The following NMUR2 variants were observed in gnomAD, a reference collection of about 807,000 sequenced individuals.
The protein encoded by NMUR2 is neuromedin U receptor 2, also known as neuromedin-U receptor 2.
NMUR2 carries 24 observed loss-of-function variants against 25.1 expected under a neutral mutation model. The observed-to-expected ratio is 0.96, with a 90% CI of 0.69 to 1.34. The LOEUF (loss-of-function observed/expected upper bound fraction) is 1.34. Ranked by LOEUF, NMUR2 falls within the 40% of genes most tolerant of loss-of-function variation. The pLI, the probability that NMUR2 is intolerant of heterozygous loss-of-function variation, is 0.00. For synonymous variants in NMUR2, 218 were observed against 208.1 expected (o/e 1.05, Z -0.41); for missense variants, 533 against 512.8 (o/e 1.04, Z -0.38).
intron 1 of NMUR2, 31 bp downstream of exon 1, chr5:152,404,356 CT>C (rs1561699447): frequency 6.5e-7 from 1 of 1,550,114 alleles, no homozygotes; most frequent in Admixed American, 2.0e-5. Flanking sequence ...AGAAGGGATG[CT>C]GCCTCAGGCC....
chr5:152,392,567 G>A (rs1338593265), intron 3 of NMUR2, 66 bp from the exon 4 acceptor site: 3 of 1,296,876 alleles, frequency 2.3e-6, no homozygotes, highest in Non-Finnish European at 2.2e-6. Context: ...GAAGGAAGAA[G>A]CATAAATATT....
intron 3 of NMUR2, among the ~76,000 whole-genome samples, chr5:152,394,047 G>C (rs1373552423): frequency 6.6e-6 from 1 of 152,016 alleles, no homozygotes; most frequent in Non-Finnish European, 1.5e-5. Flanking sequence ...ATATAAAAGG[G>C]GGGAGATGGT....
intron 1 of NMUR2, 114 bp from the exon 2 acceptor site, chr5:152,398,258 T>C (rs1214964437): frequency 2.9e-6 from 2 of 696,110 alleles, no homozygotes; most frequent in Non-Finnish European, 4.9e-6. Flanking sequence ...AACTGAGACC[T>C]AGAGAAATGT....
chr5:152,396,217 C>G (rs1018633536), intron 2 of NMUR2, among the ~76,000 whole-genome samples: 2 of 111,804 alleles, frequency 1.8e-5, no homozygotes, highest in African/African-American at 2.6e-5. Context: ...CACACACACA[C>G]ACACACACTT....
chr5:152,393,115 T>C (rs1292691239), intron 3 of NMUR2, among the ~76,000 whole-genome samples: 11 of 152,218 alleles, frequency 7.2e-5, no homozygotes, highest in Admixed American at 7.2e-4. Flanking sequence ...ACTCTTCCTT[T>C]ATTGCCTTTT....
chr5:152,392,389 G>C lies in NMUR2; in HGVS notation c.1050C>G (p.His350Gln). The C allele has an allele frequency of 1.2e-6, 2 of 1,614,064 alleles. No homozygotes were observed. The highest frequency in any genetic ancestry group is 1.7e-6 in the Non-Finnish European group (2 of 1,179,938). ...GTGGCAACTGTGGGTCATGCTGGGA[G>C]TGCCACTGTTTGTGGAAAGAAGAGA... is the stretch of plus-strand genomic sequence containing the variant. ...NVISSFHKQWHSQHDPQLPPA... is the reference protein window; with the variant it reads ...NVISSFHKQWQSQHDPQLPPA... The change falls in exon 4 of 4, where the codon CAC (histidine) becomes CAG (glutamine). Residue 350 changes from histidine to glutamine, a missense_variant. Physicochemically the swap from His to Gln is conservative, Grantham distance 24. Coordinates refer to ENST00000255262, the MANE Select transcript of NMUR2 (RefSeq NM_020167.5).
At chr5:152,397,493 T>C (rs924766277) in intron 2 of NMUR2, among the ~76,000 whole-genome samples, 2 of 152,200 alleles carry the variant, frequency 1.3e-5, no homozygotes, top group African/African-American at 4.8e-5. Flanking sequence ...CAGATGTTCT[T>C]AACCTGGAAC....
rs745877198 is a variant in NMUR2 at position 152,404,664 on chromosome 5, G to A, written c.450C>T (p.His150=). ...TGCTCTGCAGTTTGGCGCGGAACGGGTGTAGGATGGCCACGTAGCGCTCCA... is the reference window on the plus strand; with the variant it reads ...TGCTCTGCAGTTTGGCGCGGAACGGATGTAGGATGGCCACGTAGCGCTCCA... The part of the protein sequence containing the change: ...VSVERYVAIL[H]PFRAKLQSTR... The change falls in exon 1 of 4, where the codon CAC becomes CAT. Residue 150 remains histidine, a synonymous_variant. Transcript: ENST00000255262. 1 of 1,614,154 alleles carries A rather than the reference G, an allele frequency of 6.2e-7. No homozygotes were observed. The highest frequency in any genetic ancestry group is 1.7e-5 in the Admixed American group (1 of 60,028).
At position 152,405,220 on chromosome 5, in the gene NMUR2, C is replaced by G. The variant is rs1057371560; in HGVS notation, c.-107G>C. The G allele has an allele frequency of 2.2e-6, 3 of 1,341,886 alleles. No individual in the cohort carries two copies. The African/African-American group carries it at 4.4e-5, about 20-fold the overall frequency. 83.1% of individuals were successfully genotyped at this position (1,341,886 alleles called of 1,614,324 possible). A position where few individuals can be genotyped will look rare whatever the true frequency, so the allele number is the denominator to read the frequency against. ...GAAAACAAAAAAGAGAAAGCAGTCA[C>G]GAAAGTCACAGGCTTCGTAAGGAAG... On this transcript the variant is annotated 5_prime_UTR_variant, in exon 1 of 4. Transcript: ENST00000255262.
intron 2 of NMUR2, 86 bp from the exon 3 acceptor site, chr5:152,395,670 C>G: frequency 6.7e-7 from 1 of 1,485,946 alleles, no homozygotes; most frequent in Non-Finnish European, 9.1e-7. Context: ...ATCATTTCTT[C>G]TGGCAGTTTT....
At chr5:152,404,285 C>T (rs1753308781) in intron 1 of NMUR2, 103 bp downstream of exon 1, 4 of 1,371,992 alleles carry the variant, frequency 2.9e-6, no homozygotes, top group Non-Finnish European at 4.0e-6. Context: ...CCCTCTGTTC[C>T]CTTCCATTTC....
At chr5:152,396,349 C>A (rs1753150655) in intron 2 of NMUR2, among the ~76,000 whole-genome samples, 1 of 151,948 alleles carries the variant, frequency 6.6e-6, no homozygotes, top group Non-Finnish European at 1.5e-5. Flanking sequence ...ACAAGATTAG[C>A]TATGAGGTAA....
In NMUR2 at chr5:152,404,792, G is replaced by C; in HGVS notation, c.322C>G (p.Arg108Gly). Reference sequence around the variant, plus strand: ...GGCCCGAACAAGAAAGGGTAGTTGCGCCACATCTCATAGACCTCCAGGGGC... The same window carrying C: ...GGCCCGAACAAGAAAGGGTAGTTGCCCCACATCTCATAGACCTCCAGGGGC... ...GMPLEVYEMWRNYPFLFGPVG... is the reference protein window; with the variant it reads ...GMPLEVYEMWGNYPFLFGPVG... Residue 108 changes from arginine to glycine, a missense_variant, in exon 1 of 4, where the codon CGC becomes GGC. Coordinates refer to ENST00000255262, the MANE Select transcript of NMUR2 (RefSeq NM_020167.5). 2.5e-6 allele frequency: 4 copies of C among 1,614,084 alleles called. No homozygotes were observed. Among genetic ancestry groups the C allele is most frequent in the Non-Finnish European group, 3.4e-6 (4 of 1,180,020 alleles).
chr5:152,403,206 T>C (rs776732079), intron 1 of NMUR2, among the ~76,000 whole-genome samples: 17 of 152,232 alleles, frequency 1.1e-4, no homozygotes, highest in Non-Finnish European at 2.2e-4. Flanking sequence ...TAGGATCTGA[T>C]GTGACCTTTT....
intron 2 of NMUR2, among the ~76,000 whole-genome samples, chr5:152,397,211 T>G (rs1423981632): frequency 6.6e-6 from 1 of 152,102 alleles, no homozygotes; most frequent in African/African-American, 2.4e-5. Context: ...TGCTGTATAG[T>G]TACAGTGAAT....
chr5:152,397,756 T>C (rs10476784), intron 2 of NMUR2, among the ~76,000 whole-genome samples: 24,915 of 152,038 alleles, frequency 0.16, 2,305 homozygotes, highest in Admixed American at 0.24. Flanking sequence ...ACACAGAGTG[T>C]ATGTCAGTGG....
At chr5:152,396,215 CACACACACACT>C (rs199579186) in intron 2 of NMUR2, among the ~76,000 whole-genome samples, 1,344 of 114,618 alleles carry the variant, frequency 0.012, 64 homozygotes, top group Admixed American at 0.095. Context: ...CACACACACA[CACACACACACT>C]TTTTTTTTTT....
At chr5:152,399,630 T>C (rs968327569) in intron 1 of NMUR2, among the ~76,000 whole-genome samples, 5 of 151,988 alleles carry the variant, frequency 3.3e-5, no homozygotes, top group Non-Finnish European at 5.9e-5. Flanking sequence ...ACCAACACCA[T>C]AGAAAAAAAG....
At chr5:152,403,180 C>G (rs1159533484) in intron 1 of NMUR2, among the ~76,000 whole-genome samples, 1 of 152,048 alleles carries the variant, frequency 6.6e-6, no homozygotes, top group Non-Finnish European at 1.5e-5. Flanking sequence ...ACTGTTAGAG[C>G]TACAGGGGAC....
Sources: allele counts gnomAD v4.1 joint callset (sites outside exome capture counted in the v4.1 genomes callset), GRCh38; gene constraint gnomAD v4.1.1; transcripts MANE v1.5; gene names NCBI Gene and HGNC (gene_info 2026-07-23, HGNC 2026-07-21).